Variants in UNC13C observed in about 807,000 individuals in gnomAD.
The protein encoded by UNC13C is protein unc-13 homolog C.
In UNC13C, 174 loss-of-function variants were observed where a neutral mutation model predicts 245.4. That is an observed-to-expected ratio of 0.71 (90% CI 0.63 to 0.80). The LOEUF (loss-of-function observed/expected upper bound fraction) is 0.80, where lower values mean the gene tolerates loss of function less well. UNC13C is among the 30% of genes least tolerant of loss of function. UNC13C has a pLI of 0.00. For missense variants in UNC13C, 2,829 were observed against 2,602.9 expected, an observed-to-expected ratio of 1.09 and a Z score of -1.89; for synonymous variants, 992 against 895.1, an observed-to-expected ratio of 1.11 and a Z score of -1.93.
At chr15:53,861,254 A>G in the UNC13C span, among the ~76,000 whole-genome samples, 3 of 152,142 alleles carry the variant, frequency 2.0e-5, no homozygotes, top group Admixed American at 6.6e-5. Flanking sequence ...ATTAATTTGT[A>G]TTACTTGGGT....
At chr15:54,062,239 A>C (rs1897874369) in intron 2 of UNC13C, among the ~76,000 whole-genome samples, 1 of 151,860 alleles carries the variant, frequency 6.6e-6, no homozygotes, top group East Asian at 1.9e-4. Flanking sequence ...GAATCGCTTG[A>C]ACTTGGGAGG....
chr15:53,964,586 T>C, the UNC13C span, among the ~76,000 whole-genome samples: 154 of 152,340 alleles, frequency 1.0e-3, no homozygotes, highest in African/African-American at 3.6e-3. Context: ...TGCACCAACC[T>C]AATAAATTCT....
the UNC13C span, chr15:53,912,065 G>A: frequency 1.3e-5 from 2 of 152,242 alleles, no homozygotes; most frequent in Non-Finnish European, 2.9e-5. Context: ...AAGGGGCCCA[G>A]GCGGGTGACC....
intron 4 of UNC13C, among the ~76,000 whole-genome samples, chr15:54,207,369 T>G (rs907345975): frequency 2.0e-5 from 3 of 152,072 alleles, no homozygotes; most frequent in African/African-American, 7.2e-5. Context: ...TTTCTTATTT[T>G]CTTTCTCTCA....
rs773043990 is a variant in UNC13C at position 54,250,325 on chromosome 15, A to G, written c.3329A>G (p.Tyr1110Cys). 6 of 1,613,770 alleles carry G rather than the reference A, an allele frequency of 3.7e-6. No individual in the cohort carries two copies. The South Asian group carries it at 5.5e-5, about 15-fold the overall frequency. The change falls in exon 8 of 33, where the codon TAC becomes TGC. Residue 1110 changes from tyrosine to cysteine, a missense_variant. Coordinates refer to ENST00000260323, the MANE Select transcript of UNC13C (RefSeq NM_001080534.3). ...GTCTGGACGGCTACCACACCCACCT[A>G]CTGTTATGAGTGTGAAGGGCTCCTG... Reference protein sequence around the residue: ...FEVWTATTPTYCYECEGLLWG... With the variant: ...FEVWTATTPTCCYECEGLLWG...
intron 2 of UNC13C, among the ~76,000 whole-genome samples, chr15:54,057,997 G>A (rs796874450): frequency 6.6e-6 from 1 of 152,034 alleles, no homozygotes; most frequent in Non-Finnish European, 1.5e-5. Context: ...TAAATGCCCA[G>A]AAGAGAAAGC....
At chr15:54,341,967 C>G (rs56099845) in intron 17 of UNC13C, among the ~76,000 whole-genome samples, 1 of 143,684 alleles carries the variant, frequency 7.0e-6, no homozygotes, top group Non-Finnish European at 1.5e-5. Flanking sequence ...CAGAGCGAGA[C>G]TCTGTCTCAA....
intron 2 of UNC13C, among the ~76,000 whole-genome samples, chr15:54,088,965 C>T (rs1899406871): frequency 2.0e-5 from 3 of 152,152 alleles, no homozygotes; most frequent in South Asian, 4.1e-4. Flanking sequence ...CGGGGGGGAA[C>T]ATCCACATGA....
At chr15:54,140,718 A>G (rs1478161652) in intron 2 of UNC13C, among the ~76,000 whole-genome samples, 1 of 152,340 alleles carries the variant, frequency 6.6e-6, no homozygotes, top group Non-Finnish European at 1.5e-5. Flanking sequence ...CAAGAATGTA[A>G]TTGTGACTGA....
chr15:54,465,271 A>G (rs539504754), intron 19 of UNC13C, among the ~76,000 whole-genome samples: 60 of 152,212 alleles, frequency 3.9e-4, no homozygotes, highest in African/African-American at 1.4e-3. Context: ...TCGATCATCA[A>G]GAATACACCA....
chr15:54,218,028 G>A (rs192817329), intron 4 of UNC13C, among the ~76,000 whole-genome samples: 1 of 151,962 alleles, frequency 6.6e-6, no homozygotes, highest in African/African-American at 2.4e-5. Flanking sequence ...TAGGAAAGTA[G>A]AGATGAGTAA....
At chr15:53,875,111 C>A in the UNC13C span, among the ~76,000 whole-genome samples, 1 of 149,590 alleles carries the variant, frequency 6.7e-6, no homozygotes, top group Non-Finnish European at 1.5e-5. Flanking sequence ...AAAAAAATAT[C>A]TTATATGCAT....
intron 30 of UNC13C, among the ~76,000 whole-genome samples, chr15:54,576,393 G>C (rs1051671570): frequency 6.6e-6 from 1 of 152,094 alleles, no homozygotes; most frequent in African/African-American, 2.4e-5. Context: ...CTACATGTTA[G>C]TATCACTGAA....
At chr15:54,600,642 G>A (rs953495628) in intron 30 of UNC13C, among the ~76,000 whole-genome samples, 8 of 151,946 alleles carry the variant, frequency 5.3e-5, no homozygotes, top group African/African-American at 1.7e-4. Context: ...GATCAATAAC[G>A]TGTCTGAATT....
At chr15:53,861,160 T>C in the UNC13C span, among the ~76,000 whole-genome samples, 19 of 152,160 alleles carry the variant, frequency 1.2e-4, no homozygotes, top group Non-Finnish European at 2.8e-4. Context: ...GCATTTAAAA[T>C]AAATTTATGT....
At chr15:54,056,787 G>A (rs1897549501) in intron 2 of UNC13C, among the ~76,000 whole-genome samples, 1 of 152,226 alleles carries the variant, frequency 6.6e-6, no homozygotes, top group African/African-American at 2.4e-5. Flanking sequence ...CAAGCCAGAA[G>A]AGAGTGGGGC....
chr15:53,919,259 C>CT, the UNC13C span, among the ~76,000 whole-genome samples: 1 of 152,132 alleles, frequency 6.6e-6, no homozygotes, highest in Non-Finnish European at 1.5e-5. Context: ...ATCATAATGC[C>CT]TAATCCGTAG....
intron 18 of UNC13C, among the ~76,000 whole-genome samples, chr15:54,410,484 G>T (rs1056180799): frequency 6.6e-6 from 1 of 151,278 alleles, no homozygotes; most frequent in African/African-American, 2.4e-5. Flanking sequence ...TGTTCTTCTG[G>T]GTTCTTATAG....
In UNC13C at chr15:54,627,014, G is replaced by C; in HGVS notation, c.6546G>C (p.Leu2182Phe). ...ATATCTCTATGGATGAAACTGGTTTGACTATCCTTAGAATACTCTCTCAGA... is the reference window on the plus strand; with the variant it reads ...ATATCTCTATGGATGAAACTGGTTTCACTATCCTTAGAATACTCTCTCAGA... ...LKNISMDETGLTILRILSQRT... is the reference protein window; with the variant it reads ...LKNISMDETGFTILRILSQRT... Residue 2182 changes from leucine (L) to phenylalanine (F), a missense_variant, in exon 33 of 33, where the codon TTG becomes TTC. Leu to Phe is a conservative substitution (Grantham distance 22). Coordinates refer to ENST00000260323, the MANE Select transcript of UNC13C (RefSeq NM_001080534.3). 6.2e-7 allele frequency: 1 copy of C among 1,613,380 alleles called. No individual in the cohort carries two copies. The highest frequency in any genetic ancestry group is 2.2e-5 in the East Asian group (1 of 44,840).
Sources: gnomAD v4.1 joint callset for allele counts (sites outside exome capture counted in the v4.1 genomes callset) on GRCh38, gnomAD v4.1.1 for gene constraint, MANE v1.5 for transcripts, NCBI Gene and HGNC (gene_info 2026-07-23, HGNC 2026-07-21) for gene names.